CCNQ: variants seen among roughly 807,000 people sequenced by gnomAD.
The protein encoded by CCNQ is cyclin-Q.
A neutral mutation model predicts 17.7 loss-of-function variants in CCNQ; 3 were observed. The ratio of observed to expected loss-of-function variants is 0.17; its 90% CI spans 0.08 to 0.44. The LOEUF is 0.44. Ranked by LOEUF, CCNQ falls within the 20% of genes least tolerant of loss-of-function variation. The pLI is 0.99. For synonymous variants in CCNQ, 73 were observed against 96.0 expected, an observed-to-expected ratio of 0.76 and a Z score of 1.40; for missense variants, 146 against 222.6, an observed-to-expected ratio of 0.66 and a Z score of 2.19.
chrX:153,588,526 G>A lies in CCNQ; in HGVS notation c.658-72C>T, dbSNP rs1349048758. 5.0e-6 allele frequency: 4 copies of A among 799,214 alleles called. No homozygotes were observed. The African/African-American group carries it at 6.1e-5, about 12-fold the overall frequency. The allele number at this position is 799,214 out of a possible 1,213,427, so 65.9% of individuals were successfully genotyped here. A position where few individuals can be genotyped will look rare whatever the true frequency, so the allele number is the denominator to read the frequency against. On this transcript the variant is annotated intron_variant, in intron 4 of 4. Transcript: ENST00000576892. ...TAAACAAGGCACCTGTCACTAAGCA[G>A]AGAATCACATTTCATGGGCAGGGGA...
At chrX:153,592,994 C>G (rs2091002962) in intron 3 of CCNQ, among the ~76,000 whole-genome samples, 1 of 112,082 alleles carries the variant, frequency 8.9e-6, no homozygotes. Context: ...CCAGACCCAG[C>G]TCTAGGGAAA....
chrX:153,589,882 G>T (rs1312877560), intron 4 of CCNQ, among the ~76,000 whole-genome samples: 1 of 111,291 alleles, frequency 9.0e-6, no homozygotes, highest in Non-Finnish European at 1.9e-5. Context: ...TGCTTGCTGG[G>T]GTCCATGACC....
At chrX:153,598,453 C>T (rs919771435) in intron 1 of CCNQ, among the ~76,000 whole-genome samples, 2 of 112,059 alleles carry the variant, frequency 1.8e-5, no homozygotes, top group Admixed American at 9.3e-5. Context: ...TGGATGGAAA[C>T]GATGTTTCTA....
In CCNQ at chrX:153,596,023, T is replaced by C. The variant is rs1557026955; in HGVS notation, c.277A>G (p.Ile93Val). Residue 93 changes from isoleucine to valine, a missense_variant, in exon 2 of 5, where the codon ATC becomes GTC. Coordinates refer to ENST00000576892, the MANE Select transcript of CCNQ (RefSeq NM_152274.5). ...VEEQHLRTRD[I>V]INVSNRYFNP... is the part of the protein sequence containing the mutation. Reference sequence around the variant, plus strand: ...CATTACCTGTTGGACACATTGATGATGTCACGAGTCCGCAGGTGCTGCTCT... The same window carrying C: ...CATTACCTGTTGGACACATTGATGACGTCACGAGTCCGCAGGTGCTGCTCT... 4 of 1,211,988 alleles carry C rather than the reference T, an allele frequency of 3.3e-6. No homozygotes were observed. The Middle Eastern group carries it at 6.9e-4, about 209-fold the overall frequency.
At chrX:153,595,047 T>C (rs923160101) in intron 2 of CCNQ, among the ~76,000 whole-genome samples, 1 of 112,382 alleles carries the variant, frequency 8.9e-6, no homozygotes, top group Non-Finnish European at 1.9e-5. Flanking sequence ...CATTAGGGAG[T>C]CTTCATCACC....
At chrX:153,591,810 G>A (rs1316830931) in intron 4 of CCNQ, among the ~76,000 whole-genome samples, 4 of 108,916 alleles carry the variant, frequency 3.7e-5, no homozygotes, top group African/African-American at 1.0e-4. Context: ...AGGGAGGCGC[G>A]GGAGACTGGG....
intron 3 of CCNQ, among the ~76,000 whole-genome samples, 174 bp from the exon 4 acceptor site, chrX:153,592,907 C>T (rs1385487748): frequency 8.9e-6 from 1 of 112,163 alleles, no homozygotes; most frequent in African/African-American, 3.2e-5. Flanking sequence ...TCCAGCAAAC[C>T]CCATCTAGGG....
At position 153,599,008 on chromosome X, in the gene CCNQ, G is replaced by T. The variant is rs1557027736; in HGVS notation, c.66C>A (p.Pro22=). Residue 22 remains proline (P), a synonymous_variant, in exon 1 of 5, where the codon CCC becomes CCA. Coordinates refer to ENST00000576892, the MANE Select transcript of CCNQ (RefSeq NM_152274.5). ...CCACTCGGAAGTGCACCCTGGCTTC[G>T]GGCGCCGGCTGCCCCTCCGGGCCCC... ...AARGPEGQPA[P]EARVHFRVAR... 5.3e-6 allele frequency: 6 copies of T among 1,128,933 alleles called. No homozygotes were observed. Among genetic ancestry groups the T allele is most frequent in the Non-Finnish European group, 7.0e-6 (6 of 857,460 alleles). 93.0% of individuals were successfully genotyped at this position (1,128,933 alleles called of 1,213,427 possible).
intron 1 of CCNQ, 33 bp downstream of exon 1, chrX:153,598,929 C>T: frequency 9.6e-7 from 1 of 1,046,444 alleles, no homozygotes; most frequent in Non-Finnish European, 1.3e-6. Context: ...GGCCGCGGCG[C>T]CGCCTGTCCT....
intron 4 of CCNQ, among the ~76,000 whole-genome samples, chrX:153,590,231 T>TAAAAAAAAAAAAAAAAAAA (rs59053078): frequency 1.5e-4 from 4 of 26,452 alleles, no homozygotes; most frequent in African/African-American, 5.2e-4. Flanking sequence ...CTGTCTCTAT[T>TAAAAAAAAAAAAAAAAAAA]AAAAAAAAAA....
chrX:153,591,050 A>G (rs970162970), intron 4 of CCNQ, among the ~76,000 whole-genome samples: 8 of 112,277 alleles, frequency 7.1e-5, no homozygotes, highest in Non-Finnish European at 1.3e-4. Context: ...CCCGTGGCAG[A>G]TAAGTGACAG....
rs1557024856 is a variant in CCNQ, at chrX:153,588,027, T to C, written c.*338A>G. 2.6e-5 allele frequency: 10 copies of C among 390,071 alleles called. No individual in the cohort carries two copies. The highest frequency in any genetic ancestry group is 4.1e-5 in the Non-Finnish European group (9 of 217,557). 32.1% of individuals were successfully genotyped at this position (390,071 alleles called of 1,213,427 possible). On this transcript the variant is annotated 3_prime_UTR_variant, in exon 5 of 5. Coordinates refer to ENST00000576892, the MANE Select transcript of CCNQ (RefSeq NM_152274.5). ...TTAAGAAATCCGTAGGGATTCAGTC[T>C]CATCGATTTCATGACTTTCCTTTCA... is the stretch of plus-strand genomic sequence containing the variant.
chrX:153,591,223 A>G (rs1485115610), intron 4 of CCNQ, among the ~76,000 whole-genome samples: 1 of 112,242 alleles, frequency 8.9e-6, no homozygotes, highest in Non-Finnish European at 1.9e-5. Context: ...AGGCACCTGG[A>G]TTCCGGAAGC....
In CCNQ at chrX:153,592,548, A is replaced by T. The variant is rs1557026015; in HGVS notation, c.615T>A (p.Val205=). The T allele has an allele frequency of 8.3e-7, 1 of 1,211,789 alleles. No homozygotes were observed. The change falls in exon 4 of 5, where the codon GTT becomes GTA. Residue 205 remains valine, a synonymous_variant. Transcript: ENST00000576892. ...CAGCCTCGACCTCGGCGGGCACCTC[A>T]ACTCCGTAGACCTGCAGGGCCAGGT... ...VLYLALQVYG[V]EVPAEVEAEK...
In CCNQ at chrX:153,598,972, G is replaced by A; in HGVS notation, c.102C>T (p.Ile34=). Reference sequence around the variant, plus strand: ...CCCGGCCGCGGTTACCTGCCTCCATGATGAACCTCGCCACTCGGAAGTGCA... The same window carrying A: ...CCCGGCCGCGGTTACCTGCCTCCATAATGAACCTCGCCACTCGGAAGTGCA... The part of the protein sequence containing the change: ...ARVHFRVARF[I]MEAGVKLGMR... The change falls in exon 1 of 5, where the codon ATC becomes ATT. Residue 34 remains isoleucine (I), a synonymous_variant. Transcript: ENST00000576892. The A allele has an allele frequency of 2.6e-6, 3 of 1,139,709 alleles. No individual in the cohort carries two copies. Among genetic ancestry groups the A allele is most frequent in the Non-Finnish European group, 2.3e-6 (2 of 861,029 alleles). The allele number at this position is 1,139,709 out of a possible 1,213,427, so 93.9% of individuals were successfully genotyped here. A position where few individuals can be genotyped will look rare whatever the true frequency, so the allele number is the denominator to read the frequency against.
In CCNQ at chrX:153,588,472, A is replaced by G; in HGVS notation, c.658-18T>C. 1 of 1,130,876 alleles carries G rather than the reference A, an allele frequency of 8.8e-7. No individual in the cohort carries two copies. Among genetic ancestry groups the G allele is most frequent in the African/African-American group, 1.8e-5 (1 of 56,299 alleles). The allele number at this position is 1,130,876 out of a possible 1,213,427, so 93.2% of individuals were successfully genotyped here. A position where few individuals can be genotyped will look rare whatever the true frequency, so the allele number is the denominator to read the frequency against. On this transcript the variant is annotated intron_variant, in intron 4 of 4. Coordinates refer to ENST00000576892, the MANE Select transcript of CCNQ (RefSeq NM_152274.5). Reference sequence around the variant, plus strand: ...TTAAACACCTAGAAAGAAGAAGGAAAACAGGTTCCAGTTAGACTCCCTCTA... The same window carrying G: ...TTAAACACCTAGAAAGAAGAAGGAAGACAGGTTCCAGTTAGACTCCCTCTA...
Position 153,589,304 on chromosome X carries a change from C to T in CCNQ, c.658-850G>A, listed in dbSNP as rs145577100. On this transcript the variant is annotated intron_variant, in intron 4 of 4. Coordinates refer to ENST00000576892, the MANE Select transcript of CCNQ (RefSeq NM_152274.5). Reference sequence around the variant, plus strand: ...GCCGCCATGGCTGGGATGAGCTTCCCGGTTGTGACTCCGTGCTCGCTGTCC... The same window carrying T: ...GCCGCCATGGCTGGGATGAGCTTCCTGGTTGTGACTCCGTGCTCGCTGTCC... Among the ~76,000 whole-genome samples the T allele has an allele frequency of 5.2e-3, 591 of 112,878 alleles. 3 individuals carry two copies. The highest frequency in any genetic ancestry group is 0.018 in the African/African-American group (558 of 31,122).
chrX:153,591,731 T>C (rs1557025840), intron 4 of CCNQ, among the ~76,000 whole-genome samples: 1 of 110,280 alleles, frequency 9.1e-6, no homozygotes, highest in African/African-American at 3.3e-5. Context: ...GGGGACAGGG[T>C]GCTTCCGGCT....
At chrX:153,594,323 A>C (rs1362028286) in intron 3 of CCNQ, among the ~76,000 whole-genome samples, 2 of 112,913 alleles carry the variant, frequency 1.8e-5, no homozygotes, top group African/African-American at 6.4e-5. Context: ...GAAAGGCAGA[A>C]GCTGAAATGA....
Sources: gnomAD v4.1 joint callset for allele counts (sites outside exome capture counted in the v4.1 genomes callset) on GRCh38, gnomAD v4.1.1 for gene constraint, MANE v1.5 for transcripts, NCBI Gene and HGNC (gene_info 2026-07-23, HGNC 2026-07-21) for gene names.